Variants in DOT1L observed in about 807,000 individuals in gnomAD.
DOT1L encodes histone-lysine N-methyltransferase, H3 lysine-79 specific.
DOT1L carries 33 observed loss-of-function variants against 153.3 expected under a neutral mutation model. That is an observed-to-expected ratio of 0.22 (90% CI 0.16 to 0.29). The LOEUF is 0.29. Among genes scored for constraint, DOT1L ranks in the 10% least tolerant of loss-of-function variants. The pLI is 1.00. For synonymous variants in DOT1L, 1,135 were observed against 965.1 expected, an observed-to-expected ratio of 1.18 and a Z score of -3.26; for missense variants, 1,847 against 2,119.9, an observed-to-expected ratio of 0.87 and a Z score of 2.53.
intron 7 of DOT1L, 113 bp from the exon 8 acceptor site, chr19:2,199,771 T>C: frequency 7.2e-7 from 1 of 1,384,636 alleles, no homozygotes; most frequent in South Asian, 1.4e-5. Context: ...CTCCTCCTGC[T>C]CCTTCACTGC....
intron 2 of DOT1L, among the ~76,000 whole-genome samples, chr19:2,184,526 A>G (rs2022400474): frequency 6.6e-6 from 1 of 152,072 alleles, no homozygotes; most frequent in Non-Finnish European, 1.5e-5. Flanking sequence ...GCAGGTCAAG[A>G]GGACTGGGGA....
rs1183275174 is a variant in DOT1L, at chr19:2,216,518, G to A, written c.2161G>A (p.Glu721Lys). ...CATGAACGGCCAGGCTGCTGGCTAT[G>A]AGCTCTGCGGTGTGCTGAGCCGGCC... ...LSMNGQAAGY[E>K]LCGVLSRPSS... The change falls in exon 20 of 28, where the codon GAG becomes AAG. Residue 721 changes from glutamate to lysine, a missense_variant. Physicochemically the swap from Glu to Lys is moderately conservative, Grantham distance 56. Around this residue, in one of 8 missense-constraint regions of DOT1L, gnomAD observed 281 missense variants for 263.6 expected, o/e 1.07. Coordinates refer to ENST00000398665, the MANE Select transcript of DOT1L (RefSeq NM_032482.3). 6.2e-7 allele frequency: 1 copy of A among 1,612,072 alleles called. No individual in the cohort carries two copies. Among genetic ancestry groups the A allele is most frequent in the Non-Finnish European group, 8.5e-7 (1 of 1,179,942 alleles).
At chr19:2,180,831 C>G (rs377446168) in intron 2 of DOT1L, 75 bp downstream of exon 2, 19 of 1,571,352 alleles carry the variant, frequency 1.2e-5, no homozygotes, top group Admixed American at 1.2e-4. Context: ...CCTGCAGATT[C>G]TGTTGTGGGG....
Position 2,230,361 on chromosome 19 carries a change from CTG to C in DOT1L, c.*570_*571del. ...AGCCCCTTCCTGAGCGCCCTGGCGCCTGCCCTGAGCTCTTCACCTTTACCCCG... is the reference window on the plus strand; with the variant it reads ...AGCCCCTTCCTGAGCGCCCTGGCGCCCCCTGAGCTCTTCACCTTTACCCCG... On this transcript the variant is annotated 3_prime_UTR_variant, in exon 28 of 28. Transcript: ENST00000398665. 2.4e-6 allele frequency: 1 copy of C among 410,830 alleles called. No homozygotes were observed. Among genetic ancestry groups the C allele is most frequent in the Non-Finnish European group, 4.3e-6 (1 of 233,996 alleles). 25.4% of individuals were successfully genotyped at this position (410,830 alleles called of 1,614,324 possible). A position where few individuals can be genotyped will look rare whatever the true frequency, so the allele number is the denominator to read the frequency against.
chr19:2,191,337 T>C lies in DOT1L; in HGVS notation c.493+97T>C, dbSNP rs1294999816. ...CTTGGAGAAGAGTTTATCAGGGACT[T>C]GCGACGTTGGCGTGGACAGTGCTTC... is the stretch of plus-strand genomic sequence containing the variant. On this transcript the variant is annotated intron_variant, in intron 5 of 27. Transcript: ENST00000398665. The surrounding 1 kb of genome is among the most constrained non-coding windows in gnomAD (Gnocchi z 6.8). 29 of 1,303,584 alleles carry C rather than the reference T, an allele frequency of 2.2e-5. No individual in the cohort carries two copies. Among genetic ancestry groups the C allele is most frequent in the Non-Finnish European group, 1.4e-5 (13 of 917,290 alleles). 80.8% of individuals were successfully genotyped at this position (1,303,584 alleles called of 1,614,324 possible). A position where few individuals can be genotyped will look rare whatever the true frequency, so the allele number is the denominator to read the frequency against.
intron 10 of DOT1L, 64 bp downstream of exon 10, chr19:2,206,861 T>A: frequency 6.6e-7 from 1 of 1,510,294 alleles, no homozygotes; most frequent in Non-Finnish European, 9.2e-7. Flanking sequence ...CACGCAGTAT[T>A]CCTAGGTCCC....
chr19:2,164,174 C>G lies in DOT1L; in HGVS notation c.-11C>G, dbSNP rs2144619914. The G allele has an allele frequency of 1.7e-6, 2 of 1,200,084 alleles. No individual in the cohort carries two copies. Among genetic ancestry groups the G allele is most frequent in the Non-Finnish European group, 2.1e-6 (2 of 966,300 alleles). 74.3% of individuals were successfully genotyped at this position (1,200,084 alleles called of 1,614,324 possible). On this transcript the variant is annotated 5_prime_UTR_variant, in exon 1 of 28. Transcript: ENST00000398665. ...CCCGCCTAGCATGGTGCGGCGGCCG[C>G]GCGCGCGGACATGGGGGAGAAGCTG...
chr19:2,194,139 C>T (rs906343901), intron 6 of DOT1L, among the ~76,000 whole-genome samples: 4 of 152,066 alleles, frequency 2.6e-5, no homozygotes, highest in Admixed American at 6.6e-5. Flanking sequence ...CATTGAGGCC[C>T]TGTTGCTCTG....
In DOT1L at chr19:2,216,477, T is replaced by G; in HGVS notation, c.2120T>G (p.Met707Arg). 1 of 1,612,708 alleles carries G rather than the reference T, an allele frequency of 6.2e-7. No individual in the cohort carries two copies. The highest frequency in any genetic ancestry group is 1.3e-5 in the African/African-American group (1 of 75,064). ...TKFSLPHLSSMSPELSMNGQA... is the reference protein window; with the variant it reads ...TKFSLPHLSSRSPELSMNGQA... ...TTCTCGCTGCCTCACTTGAGCAGCATGAGCCCGGAGCTCTCCATGAACGGC... is the reference window on the plus strand; with the variant it reads ...TTCTCGCTGCCTCACTTGAGCAGCAGGAGCCCGGAGCTCTCCATGAACGGC... Residue 707 changes from methionine to arginine, a missense_variant, in exon 20 of 28, where the codon ATG becomes AGG. Met to Arg is a moderately conservative substitution (Grantham distance 91). This residue lies in a region of DOT1L where 281 missense variants were observed against 263.6 expected (regional missense o/e 1.07). Transcript: ENST00000398665.
intron 3 of DOT1L, among the ~76,000 whole-genome samples, chr19:2,189,161 G>T (rs1012122825): frequency 6.6e-6 from 1 of 152,216 alleles, no homozygotes; most frequent in Non-Finnish European, 1.5e-5. Flanking sequence ...ATGACACACT[G>T]CTGACGTGTG....
chr19:2,228,645 G>C (rs1343003395), intron 27 of DOT1L: 3 of 985,280 alleles, frequency 3.0e-6, no homozygotes, highest in Admixed American at 1.2e-4. Context: ...CCAGCCCTGG[G>C]GGCAGCTGTG....
Position 2,231,696 on chromosome 19 carries a change from G to T in DOT1L, c.*1904G>T, listed in dbSNP as rs569529675. On this transcript the variant is annotated 3_prime_UTR_variant, in exon 28 of 28. Transcript: ENST00000398665. ...CAGGCAGCCTGCTCTGTGTCGCCAC[G>T]GGCCGGATACGCCACAGGGTTGATG... 4.7e-6 allele frequency: 1 copy of T among 214,008 alleles called. No individual in the cohort carries two copies. The allele number at this position is 214,008 out of a possible 1,614,324, so 13.3% of individuals were successfully genotyped here. A position where few individuals can be genotyped will look rare whatever the true frequency, so the allele number is the denominator to read the frequency against.
Position 2,226,855 on chromosome 19 carries a change from C to A in DOT1L, c.4334C>A (p.Ala1445Asp). ...AGCCTCCTCAGCGGCCCCGGCCTGG[C>A]CCCGGCGGCGTCCTCCGCAGGCGGC... ...PGSLLSGPGL[A>D]PAASSAGGAA... is the part of the protein sequence containing the mutation. The change falls in exon 27 of 28, where the codon GCC (alanine) becomes GAC (aspartate). Residue 1445 changes from alanine (A) to aspartate (D), a missense_variant. Ala to Asp is a moderately radical substitution (Grantham distance 126, BLOSUM62 -2). Around this residue, in one of 8 missense-constraint regions of DOT1L, gnomAD observed 934 missense variants for 825.3 expected, o/e 1.13. Coordinates refer to ENST00000398665, the MANE Select transcript of DOT1L (RefSeq NM_032482.3). 1 of 1,578,104 alleles carries A rather than the reference C, an allele frequency of 6.3e-7. No individual in the cohort carries two copies. The highest frequency in any genetic ancestry group is 8.5e-7 in the Non-Finnish European group (1 of 1,170,726).
intron 1 of DOT1L, among the ~76,000 whole-genome samples, chr19:2,167,521 C>T (rs1438392412): frequency 1.3e-5 from 2 of 152,226 alleles, no homozygotes; most frequent in South Asian, 4.1e-4. Context: ...CCTGGCCAGG[C>T]CCTGGCTTGG....
chr19:2,180,862 C>T, intron 2 of DOT1L, 106 bp downstream of exon 2: 2 of 1,364,204 alleles, frequency 1.5e-6, no homozygotes, highest in Non-Finnish European at 2.0e-6. Flanking sequence ...CAGGGGTGGA[C>T]TCCTGGAGGT....
rs1196105891 is a variant in DOT1L at position 2,190,078 on chromosome 19, T to A, written c.264+283T>A. Among the ~76,000 whole-genome samples, 1 of 152,052 alleles carries A rather than the reference T, an allele frequency of 6.6e-6. No individual in the cohort carries two copies. The highest frequency in any genetic ancestry group is 6.5e-5 in the Admixed American group (1 of 15,274). On this transcript the variant is annotated intron_variant, in intron 4 of 27. Coordinates refer to ENST00000398665, the MANE Select transcript of DOT1L (RefSeq NM_032482.3). The surrounding 1 kb of genome is among the most constrained non-coding windows in gnomAD (Gnocchi z 4.8). ...CTGCACACGCCTCTGCAGCCCTGGGTTGGTGTCCGCAGGTCCCAGCAGAGG... is the reference window on the plus strand; with the variant it reads ...CTGCACACGCCTCTGCAGCCCTGGGATGGTGTCCGCAGGTCCCAGCAGAGG...
At chr19:2,192,781 G>T (rs2022852593) in intron 5 of DOT1L, among the ~76,000 whole-genome samples, 1 of 152,302 alleles carries the variant, frequency 6.6e-6, no homozygotes, top group Middle Eastern at 3.4e-3. Flanking sequence ...GAGCCCAAGA[G>T]GTTGAGGCTG....
chr19:2,227,304 C>A (rs2024393304), intron 27 of DOT1L, 177 bp downstream of exon 27: 1 of 839,278 alleles, frequency 1.2e-6, no homozygotes, highest in Non-Finnish European at 2.0e-6. Flanking sequence ...GGAGAGGGCT[C>A]ACGCTGAGTC....
In DOT1L at chr19:2,194,947, G is replaced by T. The variant is rs565479968; in HGVS notation, c.651+370G>T. Among the ~76,000 whole-genome samples, 189 of 152,274 alleles carry T rather than the reference G, an allele frequency of 1.2e-3. 5 individuals are homozygous for T. In the South Asian group the frequency reaches 0.037, roughly 30 times the overall value. ...TCCCTCACTGGGGACAGCCTTGTTT[G>T]GACGGGTTCCTGGTCCTCAGTGCTG... is the stretch of plus-strand genomic sequence containing the variant. On this transcript the variant is annotated intron_variant, in intron 7 of 27. Transcript: ENST00000398665.
Sources: allele counts gnomAD v4.1 joint callset (sites outside exome capture counted in the v4.1 genomes callset), GRCh38; gene constraint gnomAD v4.1.1; regional missense constraint gnomAD v4.1.1; non-coding constraint Gnocchi (gnomAD v3.1); transcripts MANE v1.5; gene names NCBI Gene and HGNC (gene_info 2026-07-23, HGNC 2026-07-21).